FAM135A: variants seen among roughly 807,000 people sequenced by gnomAD.
FAM135A encodes protein FAM135A.
In FAM135A, 79 loss-of-function variants were observed where a neutral mutation model predicts 146.8. That is an observed-to-expected ratio of 0.54 (90% CI 0.45 to 0.65). The LOEUF (loss-of-function observed/expected upper bound fraction) is 0.65, where lower values mean the gene tolerates loss of function less well. Ranked by LOEUF, FAM135A falls within the 30% of genes least tolerant of loss-of-function variation. FAM135A has a pLI of 0.00. For synonymous variants in FAM135A, 562 were observed against 603.6 expected (o/e 0.93, Z 1.01); for missense variants, 1,623 against 1,758.2 (o/e 0.92, Z 1.38).
chr6:70,419,685 A>G (rs1167052528), intron 2 of FAM135A, among the ~76,000 whole-genome samples: 1 of 152,188 alleles, frequency 6.6e-6, no homozygotes, highest in Non-Finnish European at 1.5e-5. Flanking sequence ...ACATATTGTC[A>G]TAGTGTAAGC....
At chr6:70,511,623 T>C (rs1561942907) in intron 12 of FAM135A, among the ~76,000 whole-genome samples, 2 of 151,936 alleles carry the variant, frequency 1.3e-5, no homozygotes, top group Non-Finnish European at 2.9e-5. Flanking sequence ...AATCTTTATA[T>C]TCAGGAGATC....
intron 5 of FAM135A, among the ~76,000 whole-genome samples, chr6:70,474,813 A>T (rs1214525321): frequency 1.3e-5 from 2 of 152,170 alleles, no homozygotes; most frequent in Non-Finnish European, 2.9e-5. Flanking sequence ...TGACTGAATC[A>T]TCGCCCATGT....
intron 11 of FAM135A, among the ~76,000 whole-genome samples, chr6:70,495,499 G>C (rs528361341): frequency 1.2e-4 from 19 of 152,236 alleles, no homozygotes; most frequent in African/African-American, 4.1e-4. Context: ...ATGAAAGTGT[G>C]AGTTGGGGAA....
Position 70,526,019 on chromosome 6 carries a change from G to C in FAM135A, c.2935G>C (p.Val979Leu). 1 of 1,612,108 alleles carries C rather than the reference G, an allele frequency of 6.2e-7. No individual in the cohort carries two copies. Among genetic ancestry groups the C allele is most frequent in the Non-Finnish European group, 8.5e-7 (1 of 1,179,350 alleles). The change falls in exon 15 of 22, where the codon GTC becomes CTC. Residue 979 changes from valine (V) to leucine (L), a missense_variant. Physicochemically the swap from Val to Leu is conservative, Grantham distance 32. Coordinates refer to ENST00000418814, the MANE Select transcript of FAM135A (RefSeq NM_001162529.3). ...SKLICLGTPC[V>L]ISGSISSNTD... ...ACTGATTTGTTTAGGCACTCCTTGT[G>C]TCATTTCAGGTTCCATTTCTAGTAA...
At chr6:70,543,416 A>G (rs1302676512) in intron 20 of FAM135A, among the ~76,000 whole-genome samples, 2 of 152,224 alleles carry the variant, frequency 1.3e-5, no homozygotes, top group African/African-American at 4.8e-5. Context: ...TCTTAATATG[A>G]GAAAGAGATT....
chr6:70,469,785 G>A (rs1269007728), intron 5 of FAM135A, among the ~76,000 whole-genome samples: 2 of 152,136 alleles, frequency 1.3e-5, no homozygotes, highest in African/African-American at 2.4e-5. Flanking sequence ...AACTAGGAGA[G>A]TGTGATGTCC....
At chr6:70,479,137 G>A (rs1783207841) in intron 8 of FAM135A, among the ~76,000 whole-genome samples, 1 of 152,086 alleles carries the variant, frequency 6.6e-6, no homozygotes, top group Admixed American at 6.6e-5. Context: ...AAAACTAGCT[G>A]TGTTTCTTTC....
intron 5 of FAM135A, 125 bp from the exon 6 acceptor site, chr6:70,475,285 C>T (rs1782404616): frequency 1.5e-6 from 1 of 677,216 alleles, no homozygotes; most frequent in African/African-American, 1.9e-5. Flanking sequence ...TCCAATACTG[C>T]AGTATAAATT....
intron 5 of FAM135A, among the ~76,000 whole-genome samples, chr6:70,464,788 T>C (rs1283819657): frequency 4.2e-5 from 6 of 144,308 alleles, no homozygotes; most frequent in Non-Finnish European, 7.5e-5. Context: ...CATCTCAGAC[T>C]CCCAAGTAGC....
At chr6:70,515,534 T>C (rs1172717883) in intron 12 of FAM135A, among the ~76,000 whole-genome samples, 1 of 152,042 alleles carries the variant, frequency 6.6e-6, no homozygotes. Context: ...TGATTTCAAC[T>C]ATACGACATT....
At chr6:70,530,296 C>T (rs139567968) in intron 16 of FAM135A, among the ~76,000 whole-genome samples, 39 of 152,164 alleles carry the variant, frequency 2.6e-4, no homozygotes, top group African/African-American at 7.7e-4. Context: ...AAACTTTGAT[C>T]TCAATAGGAT....
chr6:70,536,112 G>T, intron 18 of FAM135A, 148 bp from the exon 19 acceptor site: 1 of 628,732 alleles, frequency 1.6e-6, no homozygotes, highest in Non-Finnish European at 2.6e-6. Flanking sequence ...TCAAAATGTG[G>T]TATATCATTT....
At chr6:70,440,260 C>G (rs1774143414) in intron 4 of FAM135A, among the ~76,000 whole-genome samples, 1 of 152,128 alleles carries the variant, frequency 6.6e-6, no homozygotes, top group South Asian at 2.1e-4. Flanking sequence ...CTGGTTTTCT[C>G]TTTTTTGTGA....
At chr6:70,550,495 G>T (rs1364943188) in intron 20 of FAM135A, among the ~76,000 whole-genome samples, 4 of 152,202 alleles carry the variant, frequency 2.6e-5, no homozygotes, top group Non-Finnish European at 5.9e-5. Flanking sequence ...TAGGGGGATT[G>T]TTAATGAGCA....
At chr6:70,554,136 G>A (rs1800373992) in intron 20 of FAM135A, among the ~76,000 whole-genome samples, 1 of 152,132 alleles carries the variant, frequency 6.6e-6, no homozygotes, top group South Asian at 2.1e-4. Context: ...TAATTAGAGA[G>A]ATGAGTAAAG....
chr6:70,514,336 CT>C (rs1441307408), intron 12 of FAM135A, among the ~76,000 whole-genome samples: 1 of 152,094 alleles, frequency 6.6e-6, no homozygotes, highest in East Asian at 1.9e-4. Context: ...CCATTTGGTT[CT>C]CTTCACGTAT....
intron 7 of FAM135A, among the ~76,000 whole-genome samples, chr6:70,476,825 C>A (rs1392002476): frequency 6.6e-6 from 1 of 152,018 alleles, no homozygotes; most frequent in Non-Finnish European, 1.5e-5. Context: ...TGTTGTACTG[C>A]AGCCTTGTAA....
intron 4 of FAM135A, among the ~76,000 whole-genome samples, chr6:70,435,275 TTA>T (rs1294077817): frequency 5.9e-5 from 9 of 151,452 alleles, no homozygotes; most frequent in Non-Finnish European, 1.0e-4. Context: ...CAGCTAATTG[TTA>T]TGTTTTTAGT....
intron 4 of FAM135A, among the ~76,000 whole-genome samples, chr6:70,432,213 T>A (rs922197352): frequency 2.6e-5 from 4 of 152,104 alleles, no homozygotes; most frequent in African/African-American, 9.7e-5. Flanking sequence ...AAAAATAAAT[T>A]CAAGTTTTCT....
Sources: allele counts gnomAD v4.1 joint callset (sites outside exome capture counted in the v4.1 genomes callset), GRCh38; gene constraint gnomAD v4.1.1; transcripts MANE v1.5; gene names NCBI Gene and HGNC (gene_info 2026-07-23, HGNC 2026-07-21).